IMPG1: variants seen among roughly 807,000 people sequenced by gnomAD.
IMPG1 encodes interphotoreceptor matrix proteoglycan of 150 kDa.
Under a neutral mutation model 92.0 loss-of-function variants are expected in IMPG1, and 85 were observed. The ratio of observed to expected loss-of-function variants is 0.92; its 90% CI spans 0.78 to 1.11. The LOEUF (loss-of-function observed/expected upper bound fraction) is 1.11. Ranked by LOEUF, IMPG1 falls within the 50% of genes least tolerant of loss-of-function variation. IMPG1 has a pLI of 0.00. For synonymous variants in IMPG1, 367 were observed against 334.1 expected (o/e 1.10, Z -1.08); for missense variants, 1,022 against 956.0 (o/e 1.07, Z -0.91).
intron 14 of IMPG1, among the ~76,000 whole-genome samples, chr6:75,935,443 A>G (rs570356083): frequency 1.3e-5 from 2 of 152,368 alleles, no homozygotes; most frequent in Admixed American, 6.5e-5. Flanking sequence ...TCACGCCTGA[A>G]CAAAGTGACA....
intron 6 of IMPG1, among the ~76,000 whole-genome samples, chr6:76,021,167 T>C (rs548298830): frequency 3.3e-5 from 5 of 152,318 alleles, no homozygotes; most frequent in South Asian, 2.1e-4. Context: ...ACCGGAACAT[T>C]TCCTTTCTAT....
In IMPG1 at chr6:75,924,657, A is replaced by AATATATTATATATTATATATAATTAATT. The variant is rs1562335039; in HGVS notation, c.2244-952_2244-951insAATTAATTATATATAATATATAATATAT. 4.6e-3 allele frequency among the ~76,000 whole-genome samples: 31 copies of AATATATTATATATTATATATAATTAATT among 6,682 alleles called. 6 individuals carry two copies. The highest frequency in any genetic ancestry group is 9.2e-3 in the African/African-American group (31 of 3,366). The allele number at this position is 6,682 out of a possible 152,430, so 4.4% of individuals were successfully genotyped here. A position where few individuals can be genotyped will look rare whatever the true frequency, so the allele number is the denominator to read the frequency against. On this transcript the variant is annotated intron_variant, in intron 15 of 16. Transcript: ENST00000369950. ...ATATTATATATAATTAATTATATAT[A>AATATATTATATATTATATATAATTAATT]ATATATAATAAATTATATATTATAT...
intron 12 of IMPG1, among the ~76,000 whole-genome samples, chr6:75,966,050 AAAACTCAGG>A (rs1461801131): frequency 1.4e-4 from 22 of 152,326 alleles, no homozygotes; most frequent in African/African-American, 5.3e-4. Context: ...AGACAAAAAT[AAAACTCAGG>A]AAACTCACTA....
At chr6:75,976,153 A>G (rs566274990) in intron 12 of IMPG1, among the ~76,000 whole-genome samples, 357 of 152,284 alleles carry the variant, frequency 2.3e-3, no homozygotes, top group African/African-American at 8.4e-3. Flanking sequence ...AATCTTCAAT[A>G]TGTGTTCATT....
chr6:75,999,989 G>A (rs1324287987), intron 12 of IMPG1, among the ~76,000 whole-genome samples: 1 of 152,198 alleles, frequency 6.6e-6, no homozygotes, highest in Non-Finnish European at 1.5e-5. Context: ...ACTTGACACT[G>A]GTTTTACACA....
chr6:75,950,758 G>T lies in IMPG1; in HGVS notation c.1628C>A (p.Pro543Gln). ...VPELSEYVSV[P>Q]DHFLEDTTPV... ...AGTGGTATCCTCCAAGAAATGATCTGGGACAGAAACATATTCGCTGAGCTC... is the reference window on the plus strand; with the variant it reads ...AGTGGTATCCTCCAAGAAATGATCTTGGACAGAAACATATTCGCTGAGCTC... Residue 543 changes from proline to glutamine, a missense_variant, in exon 13 of 17, where the codon CCA becomes CAA. Coordinates refer to ENST00000369950, the MANE Select transcript of IMPG1 (RefSeq NM_001563.4). 1 of 1,613,892 alleles carries T rather than the reference G, an allele frequency of 6.2e-7. No homozygotes were observed. Among genetic ancestry groups the T allele is most frequent in the African/African-American group, 1.3e-5 (1 of 75,036 alleles).
chr6:75,987,557 G>A (rs1380788391), intron 12 of IMPG1, among the ~76,000 whole-genome samples: 2 of 150,560 alleles, frequency 1.3e-5, no homozygotes, highest in Non-Finnish European at 3.0e-5. Context: ...GAGAACATGC[G>A]GTGTTTGGTT....
At chr6:75,956,796 T>C (rs1782130937) in intron 12 of IMPG1, among the ~76,000 whole-genome samples, 1 of 152,214 alleles carries the variant, frequency 6.6e-6, no homozygotes, top group Non-Finnish European at 1.5e-5. Flanking sequence ...CATTGTGTCT[T>C]TGTTCTCATT....
intron 1 of IMPG1, among the ~76,000 whole-genome samples, chr6:76,064,989 A>G (rs886108720): frequency 6.6e-6 from 1 of 152,152 alleles, no homozygotes; most frequent in African/African-American, 2.4e-5. Context: ...ATTGCCAGTG[A>G]AAGCACCCAG....
intron 15 of IMPG1, among the ~76,000 whole-genome samples, chr6:75,928,035 G>C (rs1362680146): frequency 6.6e-6 from 1 of 152,070 alleles, no homozygotes. Flanking sequence ...AAAGAGAAAT[G>C]TTTAAAATTA....
intron 4 of IMPG1, among the ~76,000 whole-genome samples, chr6:76,031,438 T>C (rs1473542397): frequency 6.6e-6 from 1 of 152,192 alleles, no homozygotes; most frequent in Non-Finnish European, 1.5e-5. Context: ...ATACAAAATA[T>C]TATTAATCAG....
chr6:76,029,994 A>T (rs1262974559), intron 4 of IMPG1, among the ~76,000 whole-genome samples: 1 of 152,118 alleles, frequency 6.6e-6, no homozygotes, highest in Non-Finnish European at 1.5e-5. Context: ...GGAAAACTGG[A>T]TCTGAGGTAT....
chr6:76,042,351 T>C (rs774573670), intron 1 of IMPG1, among the ~76,000 whole-genome samples: 9 of 152,120 alleles, frequency 5.9e-5, no homozygotes, highest in Non-Finnish European at 8.8e-5. Flanking sequence ...AGCCAATGTC[T>C]CAAATCATCT....
chr6:75,959,181 C>G (rs551849160), intron 12 of IMPG1, among the ~76,000 whole-genome samples: 3 of 152,130 alleles, frequency 2.0e-5, no homozygotes, highest in Non-Finnish European at 4.4e-5. Flanking sequence ...CACTGTAGAC[C>G]CTGTTTTCCT....
chr6:75,944,588 TAG>T (rs1781892545), intron 14 of IMPG1, among the ~76,000 whole-genome samples: 1 of 152,214 alleles, frequency 6.6e-6, no homozygotes, highest in South Asian at 2.1e-4. Context: ...CCCTCTTGCA[TAG>T]AGTTATTATT....
Position 75,924,625 on chromosome 6 carries a change from A to T in IMPG1, c.2244-919T>A, listed in dbSNP as rs1418042149. ...TAATTAATTATATATAATATATAAT[A>T]AATTATATATTATATATAATTAATT... On this transcript the variant is annotated intron_variant, in intron 15 of 16. Coordinates refer to ENST00000369950, the MANE Select transcript of IMPG1 (RefSeq NM_001563.4). Among the ~76,000 whole-genome samples the T allele has an allele frequency of 9.0e-3, 150 of 16,670 alleles. 18 individuals are homozygous for T. The highest frequency in any genetic ancestry group is 0.032 in the African/African-American group (129 of 4,024). The allele number at this position is 16,670 out of a possible 152,430, so 10.9% of individuals were successfully genotyped here. A position where few individuals can be genotyped will look rare whatever the true frequency, so the allele number is the denominator to read the frequency against.
At position 75,950,773 on chromosome 6, in the gene IMPG1, T is replaced by C; in HGVS notation, c.1613A>G (p.Glu538Gly). The change falls in exon 13 of 17, where the codon GAA becomes GGA. Residue 538 changes from glutamate to glycine, a missense_variant. Physicochemically the swap from Glu to Gly is moderately conservative, Grantham distance 98 (BLOSUM62 -2). This residue lies in a region of IMPG1 where 332 missense variants were observed against 346.2 expected (regional missense o/e 0.96). Coordinates refer to ENST00000369950, the MANE Select transcript of IMPG1 (RefSeq NM_001563.4). ...PAPSEVPELSEYVSVPDHFLE... is the reference protein window; with the variant it reads ...PAPSEVPELSGYVSVPDHFLE... Reference sequence around the variant, plus strand: ...GAAATGATCTGGGACAGAAACATATTCGCTGAGCTCTGGTACCTCAGATGG... The same window carrying C: ...GAAATGATCTGGGACAGAAACATATCCGCTGAGCTCTGGTACCTCAGATGG... The C allele has an allele frequency of 1.2e-6, 2 of 1,613,896 alleles. No homozygotes were observed. The highest frequency in any genetic ancestry group is 1.7e-6 in the Non-Finnish European group (2 of 1,179,844).
chr6:75,962,936 G>A (rs1227108319), intron 12 of IMPG1, among the ~76,000 whole-genome samples: 1 of 152,070 alleles, frequency 6.6e-6, no homozygotes, highest in Non-Finnish European at 1.5e-5. Context: ...AGCTACGTGG[G>A]AGGCTGAGGC....
At chr6:76,005,705 T>C (rs544470659) in intron 9 of IMPG1, among the ~76,000 whole-genome samples, 171 bp from the exon 10 acceptor site, 2 of 152,144 alleles carry the variant, frequency 1.3e-5, no homozygotes, top group African/African-American at 2.4e-5. Context: ...ACTTAAAATA[T>C]GAAAAAAGAA....
Sources: gnomAD v4.1 joint callset for allele counts (sites outside exome capture counted in the v4.1 genomes callset) on GRCh38, gnomAD v4.1.1 for gene constraint, gnomAD v4.1.1 regional missense constraint, MANE v1.5 for transcripts, NCBI Gene and HGNC (gene_info 2026-07-23, HGNC 2026-07-21) for gene names.